Variants in NEK11 observed in about 807,000 individuals in gnomAD.
NEK11 encodes NIMA related kinase 11.
A neutral mutation model predicts 80.7 loss-of-function variants in NEK11; 72 were observed. The ratio of observed to expected loss-of-function variants is 0.89; its 90% confidence interval spans 0.74 to 1.08. The LOEUF (loss-of-function observed/expected upper bound fraction) is 1.08, where lower values mean the gene tolerates loss of function less well. NEK11 is among the 50% of genes least tolerant of loss of function. The pLI, the probability that NEK11 is intolerant of heterozygous loss-of-function variation, is 0.00. For synonymous variants in NEK11, 251 were observed against 260.7 expected, an observed-to-expected ratio of 0.96 and a Z score of 0.36; for missense variants, 764 against 763.6, an observed-to-expected ratio of 1.00 and a Z score of -0.01.
At chr3:131,035,048 G>A (rs915663522) in intron 3 of NEK11, among the ~76,000 whole-genome samples, 5 of 152,176 alleles carry the variant, frequency 3.3e-5, no homozygotes, top group Non-Finnish European at 5.9e-5. Flanking sequence ...ACAAGGAAAT[G>A]CTTTATCTCT....
chr3:131,123,054 T>C (rs35057035), intron 5 of NEK11, among the ~76,000 whole-genome samples: 1 of 152,108 alleles, frequency 6.6e-6, no homozygotes, highest in Non-Finnish European at 1.5e-5. Context: ...TGTTACCTTA[T>C]TATTTGTTGG....
At chr3:131,292,721 AT>A (rs983621906) in intron 17 of NEK11, among the ~76,000 whole-genome samples, 3 of 152,060 alleles carry the variant, frequency 2.0e-5, no homozygotes, top group African/African-American at 7.2e-5. Flanking sequence ...CTTGTTATCC[AT>A]TAGTATAAAA....
At chr3:131,294,324 T>C (rs1208971042) in intron 17 of NEK11, among the ~76,000 whole-genome samples, 1 of 152,134 alleles carries the variant, frequency 6.6e-6, no homozygotes, top group African/African-American at 2.4e-5. Context: ...CTTTAACCCA[T>C]GTGTTATTTA....
intron 15 of NEK11, among the ~76,000 whole-genome samples, chr3:131,233,749 C>T (rs1309292393): frequency 6.6e-6 from 1 of 152,192 alleles, no homozygotes; most frequent in Non-Finnish European, 1.5e-5. Context: ...ATTTCAGATA[C>T]ATATTTTTCA....
chr3:131,311,786 T>C (rs1462400014), intron 17 of NEK11, among the ~76,000 whole-genome samples: 3 of 152,190 alleles, frequency 2.0e-5, no homozygotes, highest in Non-Finnish European at 4.4e-5. Context: ...TTGCAAATAT[T>C]TGTTGTATGC....
chr3:131,284,821 G>A (rs2096451011), intron 17 of NEK11, among the ~76,000 whole-genome samples: 1 of 152,128 alleles, frequency 6.6e-6, no homozygotes, highest in Non-Finnish European at 1.5e-5. Context: ...GTTTGCCAGG[G>A]GCTCTCAAGC....
chr3:131,319,162 TCTTA>T (rs1373290338), intron 17 of NEK11, among the ~76,000 whole-genome samples: 5 of 152,318 alleles, frequency 3.3e-5, no homozygotes, highest in Admixed American at 2.0e-4. Flanking sequence ...TTCACAGGAT[TCTTA>T]CTTATTGCCA....
At chr3:131,330,310 G>GTCTA (rs2097055178) in intron 17 of NEK11, 1 of 152,214 alleles carries the variant, frequency 6.6e-6, no homozygotes, top group African/African-American at 2.4e-5. Flanking sequence ...ATAATTCTAA[G>GTCTA]ATTATTACCT....
At chr3:131,143,656 T>A (rs572126153) in intron 7 of NEK11, among the ~76,000 whole-genome samples, 1 of 152,204 alleles carries the variant, frequency 6.6e-6, no homozygotes, top group East Asian at 1.9e-4. Context: ...ATGTTAAAGT[T>A]TGGGAAACAC....
rs1426503129 is a variant in NEK11 at position 131,333,195 on chromosome 3, A to G, written c.1719-16362A>G. Among the ~76,000 whole-genome samples the G allele has an allele frequency of 2.0e-5, 3 of 152,292 alleles. No individual in the cohort carries two copies. In the East Asian group the frequency reaches 5.8e-4, roughly 29 times the overall value. ...TTCACCAAAGTTGAAATGAAGGAAA[A>G]AATGTTAAGGGCAGCCAGAGAGAAA... On this transcript the variant is annotated intron_variant, in intron 17 of 17. Coordinates refer to ENST00000383366, the MANE Select transcript of NEK11 (RefSeq NM_024800.5).
At chr3:131,176,830 GTCATCCCAT>G (rs2093045419) in intron 14 of NEK11, among the ~76,000 whole-genome samples, 1 of 152,084 alleles carries the variant, frequency 6.6e-6, no homozygotes, top group East Asian at 1.9e-4. Flanking sequence ...AAGGCTATAT[GTCATCCCAT>G]GGATCATCAC....
chr3:131,316,032 A>G (rs947652847), intron 17 of NEK11, among the ~76,000 whole-genome samples: 1 of 152,166 alleles, frequency 6.6e-6, no homozygotes, highest in African/African-American at 2.4e-5. Flanking sequence ...ATATGGATAT[A>G]CAAAGAAAAT....
intron 17 of NEK11, among the ~76,000 whole-genome samples, chr3:131,296,544 C>T (rs2096595186): frequency 1.3e-5 from 2 of 152,076 alleles, no homozygotes; most frequent in South Asian, 4.1e-4. Flanking sequence ...CTTTATTTCT[C>T]CTTTACTTTT....
chr3:131,117,139 G>T (rs1042277654), intron 5 of NEK11, among the ~76,000 whole-genome samples: 1 of 152,102 alleles, frequency 6.6e-6, no homozygotes, highest in Non-Finnish European at 1.5e-5. Flanking sequence ...AATCCATCTT[G>T]AAGAAATTTA....
intron 3 of NEK11, among the ~76,000 whole-genome samples, chr3:131,052,564 T>C (rs2068615313): frequency 1.3e-5 from 2 of 152,168 alleles, no homozygotes; most frequent in East Asian, 3.8e-4. Context: ...TTTTTCACTT[T>C]CAGAAATAAC....
intron 16 of NEK11, among the ~76,000 whole-genome samples, chr3:131,252,624 C>G (rs944755863): frequency 6.6e-6 from 1 of 152,098 alleles, no homozygotes; most frequent in Non-Finnish European, 1.5e-5. Flanking sequence ...GTGTATTAGT[C>G]TCCTTTATAG....
intron 7 of NEK11, among the ~76,000 whole-genome samples, chr3:131,151,872 T>C (rs2089706938): frequency 6.6e-6 from 1 of 152,186 alleles, no homozygotes; most frequent in Admixed American, 6.5e-5. Context: ...AAGTAGCTGC[T>C]CTTCCACTCC....
At chr3:131,133,692 T>C (rs2149598956) in intron 6 of NEK11, 138 bp from the exon 7 acceptor site, 1 of 582,236 alleles carries the variant, frequency 1.7e-6, no homozygotes, top group Middle Eastern at 4.6e-4. Context: ...TTAAGATATA[T>C]TACTTTTCTT....
At chr3:131,093,288 T>TAG (rs1386655585) in intron 4 of NEK11, among the ~76,000 whole-genome samples, 1 of 152,228 alleles carries the variant, frequency 6.6e-6, no homozygotes, top group African/African-American at 2.4e-5. Flanking sequence ...ACTGTCAACT[T>TAG]ATCTTTCTTT....
Sources: allele counts gnomAD v4.1 joint callset (sites outside exome capture counted in the v4.1 genomes callset), GRCh38; gene constraint gnomAD v4.1.1; transcripts MANE v1.5; gene names NCBI Gene and HGNC (gene_info 2026-07-23, HGNC 2026-07-21).